Variants in ZNF391 observed in about 807,000 individuals in gnomAD.
The protein encoded by ZNF391 is zinc finger protein 391.
For missense variants in ZNF391, 375 were observed against 425.5 expected (o/e 0.88, Z 1.04); for synonymous variants, 126 against 142.1 (o/e 0.89, Z 0.80).
Position 27,377,000 on chromosome 6 carries a change from T to C in ZNF391, n.523+1863T>C, listed in dbSNP as rs1761428846. On this transcript the variant is annotated intron_variant and non_coding_transcript_variant, in intron 1 of 2. Transcript: ENST00000477999. The surrounding 1 kb of genome is among the most constrained non-coding windows in gnomAD (Gnocchi z 4.7). ...ATTAAATGAGTTAATAATGTAATGG[T>C]TGTGAGAACACAACCTGGCAAGTGA... Among the ~76,000 whole-genome samples, 1 of 152,092 alleles carries C rather than the reference T, an allele frequency of 6.6e-6. No homozygotes were observed.
Position 27,400,751 on chromosome 6 carries a change from C to T in ZNF391, c.381C>T (p.His127=), listed in dbSNP as rs765626246. The change falls in exon 3 of 3, where the codon CAC becomes CAT. Residue 127 remains histidine, a synonymous_variant. Coordinates refer to ENST00000244576, the MANE Select transcript of ZNF391 (RefSeq NM_001076781.3). ...GTTACCAATCAGACCTTCTTGTACA[C>T]AGTAGAATTCATGGTGGAGAAAAGC... The part of the protein sequence containing the change: ...AFSYQSDLLV[H]SRIHGGEKPF... 1.9e-6 allele frequency: 3 copies of T among 1,614,156 alleles called. No homozygotes were observed. Among genetic ancestry groups the T allele is most frequent in the Admixed American group, 3.3e-5 (2 of 60,022 alleles).
upstream of ZNF391, among the ~76,000 whole-genome samples, chr6:27,386,974 AAG>A (rs1761593121): frequency 7.3e-5 from 1 of 13,776 alleles, no homozygotes; most frequent in African/African-American, 1.9e-4. Flanking sequence ...ATCATATCTG[AAG>A]AAGAATATCT....
chr6:27,398,858 C>CA (rs1392091348), intron 1 of ZNF391, among the ~76,000 whole-genome samples: 11 of 149,730 alleles, frequency 7.3e-5, no homozygotes, highest in African/African-American at 1.5e-4. Flanking sequence ...GACTCCATCT[C>CA]AAAAAAAACA....
rs1020733680 is a variant in ZNF391 at position 27,376,698 on chromosome 6, A to C, written n.523+1561A>C. On this transcript the variant is annotated intron_variant and non_coding_transcript_variant, in intron 1 of 2. Coordinates refer to the ZNF391 transcript ENST00000477999. This position sits in a 1 kb window ranked among gnomAD's most constrained non-coding sequence, Gnocchi z 4.7. ...TGGTGAAACCCCATCTCTACTAAAA[A>C]TACAAAAAAATTAGCTAGATGTAAT... Among the ~76,000 whole-genome samples, 1 of 152,010 alleles carries C rather than the reference A, an allele frequency of 6.6e-6. No homozygotes were observed. The highest frequency in any genetic ancestry group is 1.5e-5 in the Non-Finnish European group (1 of 68,012).
rs369611952 is a variant in ZNF391 at position 27,380,485 on chromosome 6, G to A, written n.523+5348G>A. Among the ~76,000 whole-genome samples the A allele has an allele frequency of 7.6e-5, 11 of 145,378 alleles. No homozygotes were observed. In the South Asian group the frequency reaches 1.9e-3, roughly 25 times the overall value. On this transcript the variant is annotated intron_variant and non_coding_transcript_variant, in intron 1 of 2. Coordinates refer to the ZNF391 transcript ENST00000477999. ...CGCGGTGAGTTTTGTAGCTCACAAA[G>A]ACAGTATGGACCCAAAGAGTGAGCA... is the stretch of plus-strand genomic sequence containing the variant.
chr6:27,396,835 G>C (rs186758449), intron 1 of ZNF391, among the ~76,000 whole-genome samples: 19 of 152,254 alleles, frequency 1.2e-4, no homozygotes, highest in Admixed American at 1.2e-3. Context: ...TTTAGTTTCA[G>C]GTAATTATTA....
rs1008499022 is a variant in ZNF391 at position 27,376,506 on chromosome 6, C to T, written n.523+1369C>T. Among the ~76,000 whole-genome samples the T allele has an allele frequency of 3.3e-5, 5 of 151,358 alleles. No individual in the cohort carries two copies. The highest frequency in any genetic ancestry group is 2.6e-4 in the Admixed American group (4 of 15,238). On this transcript the variant is annotated intron_variant and non_coding_transcript_variant, in intron 1 of 2. Coordinates refer to the ZNF391 transcript ENST00000477999. The surrounding 1 kb of genome is among the most constrained non-coding windows in gnomAD (Gnocchi z 4.7). ...CACTGTGGTATTTTTTGGATTGGGACGTATGTGTGTATGTGCTCTCTAACT... is the reference window on the plus strand; with the variant it reads ...CACTGTGGTATTTTTTGGATTGGGATGTATGTGTGTATGTGCTCTCTAACT...
chr6:27,387,778 G>A (rs1016403240), upstream of ZNF391, among the ~76,000 whole-genome samples: 4 of 152,196 alleles, frequency 2.6e-5, no homozygotes, highest in Non-Finnish European at 4.4e-5. Flanking sequence ...TAGGGATGAC[G>A]AAAATGTTCT....
intron 1 of ZNF391, among the ~76,000 whole-genome samples, chr6:27,392,457 T>C (rs966576409): frequency 6.6e-6 from 1 of 152,168 alleles, no homozygotes; most frequent in African/African-American, 2.4e-5. Context: ...GGTTTCACCA[T>C]GTTGGGCTAG....
At position 27,401,314 on chromosome 6, in the gene ZNF391, G is replaced by T. The variant is rs549600110; in HGVS notation, c.944G>T (p.Ser315Ile). The T allele has an allele frequency of 3.2e-5, 52 of 1,614,108 alleles. No homozygotes were observed. The South Asian group carries it at 5.7e-4, about 18-fold the overall frequency. Residue 315 changes from serine (S) to isoleucine (I), a missense_variant, in exon 3 of 3, where the codon AGT (serine) becomes ATT (isoleucine). Transcript: ENST00000244576. ...TGTAGAGTGTGTGGAAAGGGCTTCAGTCGAAGCTCATCCCTTATTATTCAT... is the reference window on the plus strand; with the variant it reads ...TGTAGAGTGTGTGGAAAGGGCTTCATTCGAAGCTCATCCCTTATTATTCAT... ...HECRVCGKGF[S>I]RSSSLIIHQR...
At chr6:27,397,021 TAAAAG>T (rs1761840757) in intron 1 of ZNF391, among the ~76,000 whole-genome samples, 1 of 152,118 alleles carries the variant, frequency 6.6e-6, no homozygotes, top group South Asian at 2.1e-4. Context: ...AGCACTGTAA[TAAAAG>T]AGAGAGGTTA....
chr6:27,380,517 T>C (rs1200314441), intron 1 of ZNF391, among the ~76,000 whole-genome samples: 1 of 138,462 alleles, frequency 7.2e-6, no homozygotes, highest in African/African-American at 2.7e-5. Flanking sequence ...AGCAACAAGA[T>C]TTAATGCAAA....
chr6:27,388,251 A>C (rs1016846708), upstream of ZNF391, among the ~76,000 whole-genome samples: 3 of 152,202 alleles, frequency 2.0e-5, no homozygotes, highest in African/African-American at 7.2e-5. Flanking sequence ...ATTTTAAAAA[A>C]TCTACTAGAT....
At chr6:27,379,883 G>A (rs1761471711) in intron 1 of ZNF391, among the ~76,000 whole-genome samples, 4 of 152,158 alleles carry the variant, frequency 2.6e-5, no homozygotes, top group Admixed American at 2.0e-4. Flanking sequence ...ATGGAAGAAA[G>A]GAAATACCCA....
At chr6:27,388,557 T>G (rs1383923399), upstream of ZNF391, among the ~76,000 whole-genome samples, 4 of 152,236 alleles carry the variant, frequency 2.6e-5, no homozygotes, top group Admixed American at 2.6e-4. Flanking sequence ...GGCTATACTT[T>G]GCAGTGTATT....
At chr6:27,388,696 C>G (rs575763936), upstream of ZNF391, 2 of 332,114 alleles carry the variant, frequency 6.0e-6, no homozygotes, top group South Asian at 2.4e-5. Flanking sequence ...CACAGCCCTG[C>G]TGTAGCTGGC....
intron 2 of ZNF391, 114 bp from the exon 3 acceptor site, chr6:27,400,179 A>C: frequency 2.0e-6 from 1 of 499,186 alleles, no homozygotes; most frequent in Non-Finnish European, 3.4e-6. Flanking sequence ...TTTACTCCTC[A>C]TATAAAGTTG....
intron 1 of ZNF391, among the ~76,000 whole-genome samples, chr6:27,393,238 A>G (rs1221883775): frequency 6.6e-6 from 1 of 152,236 alleles, no homozygotes; most frequent in Non-Finnish European, 1.5e-5. Context: ...TGTAACCCTG[A>G]CAATGAGGTG....
chr6:27,399,278 AT>A (rs1202278339), intron 1 of ZNF391, among the ~76,000 whole-genome samples, 163 bp from the exon 2 acceptor site: 1 of 152,192 alleles, frequency 6.6e-6, no homozygotes, highest in East Asian at 1.9e-4. Flanking sequence ...TTGGCATCTA[AT>A]TTTAGTCCCT....
Sources: allele counts gnomAD v4.1 joint callset (sites outside exome capture counted in the v4.1 genomes callset), GRCh38; gene constraint gnomAD v4.1.1; non-coding constraint Gnocchi (gnomAD v3.1); transcripts MANE v1.5; gene names NCBI Gene and HGNC (gene_info 2026-07-23, HGNC 2026-07-21).